The following WASL variants were observed in gnomAD, a reference collection of about 807,000 sequenced individuals.
The protein encoded by WASL is WASP like actin nucleation promoting factor.
A neutral mutation model predicts 55.5 loss-of-function variants in WASL; 20 were observed. The ratio of observed to expected loss-of-function variants is 0.36; its 90% CI spans 0.25 to 0.52. WASL has a LOEUF of 0.52. WASL is among the 20% of genes least tolerant of loss of function. The pLI is 0.92. For missense variants in WASL, 504 were observed against 622.5 expected (o/e 0.81, Z 2.03); for synonymous variants, 249 against 217.6 (o/e 1.14, Z -1.27).
chr7:123,697,670 G>A (rs1207369432), intron 5 of WASL, among the ~76,000 whole-genome samples: 1 of 152,176 alleles, frequency 6.6e-6, no homozygotes, highest in African/African-American at 2.4e-5. Flanking sequence ...TATCATCGTT[G>A]TGTAGAAAAG....
chr7:123,734,613 A>AT (rs1471258252), intron 1 of WASL, among the ~76,000 whole-genome samples: 19 of 151,248 alleles, frequency 1.3e-4, no homozygotes, highest in African/African-American at 4.1e-4. Context: ...AAAAAAAAAA[A>AT]ATCAGTGAGT....
intron 9 of WASL, among the ~76,000 whole-genome samples, chr7:123,691,297 C>T (rs1803403977): frequency 6.6e-6 from 1 of 152,112 alleles, no homozygotes; most frequent in Non-Finnish European, 1.5e-5. Flanking sequence ...TTATAAAAGG[C>T]TCCAAAAGAA....
intron 4 of WASL, 119 bp downstream of exon 4, chr7:123,706,158 A>AT: frequency 1.1e-6 from 1 of 944,676 alleles, no homozygotes; most frequent in Non-Finnish European, 1.6e-6. Context: ...ACAACATGTA[A>AT]ACCAATGAAT....
chr7:123,728,874 AAAAC>A (rs749051654), intron 1 of WASL, among the ~76,000 whole-genome samples: 2 of 152,158 alleles, frequency 1.3e-5, no homozygotes, highest in Non-Finnish European at 2.9e-5. Context: ...AAAACAAAAC[AAAAC>A]AAACGAACGA....
chr7:123,702,994 T>C (rs980727315), intron 5 of WASL, among the ~76,000 whole-genome samples: 2 of 152,208 alleles, frequency 1.3e-5, no homozygotes, highest in Non-Finnish European at 2.9e-5. Flanking sequence ...ATACTGTATA[T>C]ACTCTCCAAA....
intron 5 of WASL, among the ~76,000 whole-genome samples, chr7:123,703,400 T>C (rs1223590339): frequency 6.6e-6 from 1 of 152,200 alleles, no homozygotes; most frequent in Non-Finnish European, 1.5e-5. Flanking sequence ...TAAAAGATCA[T>C]TAACTAGTAG....
chr7:123,739,659 G>A (rs1394037653), intron 1 of WASL, among the ~76,000 whole-genome samples: 1 of 152,126 alleles, frequency 6.6e-6, no homozygotes, highest in African/African-American at 2.4e-5. Context: ...ATGTTTGGTG[G>A]GTTAGGTGTG....
At chr7:123,719,492 A>G (rs951895028) in intron 1 of WASL, among the ~76,000 whole-genome samples, 3 of 152,190 alleles carry the variant, frequency 2.0e-5, no homozygotes, top group African/African-American at 7.2e-5. Flanking sequence ...AAGCAAAAAG[A>G]GAAAGCAGTA....
intron 10 of WASL, among the ~76,000 whole-genome samples, chr7:123,686,592 T>C (rs552884479): frequency 6.6e-6 from 1 of 152,126 alleles, no homozygotes; most frequent in Admixed American, 6.5e-5. Context: ...AAAAAACTTA[T>C]TGTAGGGAAA....
chr7:123,693,193 A>G (rs959514410), intron 8 of WASL, among the ~76,000 whole-genome samples: 2 of 152,226 alleles, frequency 1.3e-5, no homozygotes, highest in African/African-American at 4.8e-5. Flanking sequence ...AAATATACCA[A>G]TGAAATTAAA....
At chr7:123,725,442 T>A (rs1344297295) in intron 1 of WASL, among the ~76,000 whole-genome samples, 6 of 152,156 alleles carry the variant, frequency 3.9e-5, no homozygotes, top group Non-Finnish European at 8.8e-5. Flanking sequence ...TTAAAACACA[T>A]GTAATTTTAC....
intron 1 of WASL, among the ~76,000 whole-genome samples, chr7:123,725,118 A>C (rs552260216): frequency 3.9e-5 from 6 of 152,352 alleles, no homozygotes; most frequent in South Asian, 2.1e-4. Context: ...AAAGTACAAC[A>C]AGGCTGTAAG....
At chr7:123,689,691 A>G (rs1803365493) in intron 9 of WASL, among the ~76,000 whole-genome samples, 1 of 152,124 alleles carries the variant, frequency 6.6e-6, no homozygotes, top group African/African-American at 2.4e-5. Context: ...TTTTAAGGAG[A>G]TGAGTTGATC....
At chr7:123,707,502 C>T (rs533026976) in intron 2 of WASL, among the ~76,000 whole-genome samples, 1 of 152,196 alleles carries the variant, frequency 6.6e-6, no homozygotes, top group Non-Finnish European at 1.5e-5. Context: ...TATGTTTAAT[C>T]TTAATACCAA....
chr7:123,716,292 T>C lies in WASL; in HGVS notation c.118-7069A>G, dbSNP rs566395747. On this transcript the variant is annotated intron_variant, in intron 1 of 10. Transcript: ENST00000223023. ...GTGCAATGGCACGATCTTGGCTAAC[T>C]GTAACCTCCGCCTCCCAGGTTCAAG... 2.6e-4 allele frequency among the ~76,000 whole-genome samples: 39 copies of C among 152,246 alleles called. No homozygotes were observed. In the South Asian group the frequency reaches 7.3e-3, roughly 28 times the overall value.
At chr7:123,734,843 A>C (rs1286260135) in intron 1 of WASL, among the ~76,000 whole-genome samples, 3 of 152,148 alleles carry the variant, frequency 2.0e-5, no homozygotes, top group Admixed American at 1.3e-4. Flanking sequence ...CAATTGTAAC[A>C]AATTTACCTA....
chr7:123,703,662 C>A (rs1803623865), intron 5 of WASL, among the ~76,000 whole-genome samples: 1 of 152,070 alleles, frequency 6.6e-6, no homozygotes, highest in Non-Finnish European at 1.5e-5. Context: ...GTTTCTGTAT[C>A]AGAAAAAGAA....
chr7:123,696,353 C>T (rs1803492059), intron 6 of WASL, among the ~76,000 whole-genome samples: 1 of 149,766 alleles, frequency 6.7e-6, no homozygotes, highest in African/African-American at 2.5e-5. Context: ...TTTCTTTTCT[C>T]ATAGTTGAAA....
In WASL at chr7:123,683,350, G is replaced by A. The variant is rs1803232009; in HGVS notation, c.*1169C>T. On this transcript the variant is annotated 3_prime_UTR_variant, in exon 11 of 11. Coordinates refer to ENST00000223023, the MANE Select transcript of WASL (RefSeq NM_003941.4). ...ACACCATTTAGTATGCATAACAAATGTGCAGGTTGTAAAGTTTTATCTTTA... is the reference window on the plus strand; with the variant it reads ...ACACCATTTAGTATGCATAACAAATATGCAGGTTGTAAAGTTTTATCTTTA... The A allele has an allele frequency of 6.6e-6, 1 of 151,690 alleles. No homozygotes were observed. Among genetic ancestry groups the A allele is most frequent in the Non-Finnish European group, 1.5e-5 (1 of 67,834 alleles). 9.4% of individuals were successfully genotyped at this position (151,690 alleles called of 1,614,324 possible).
Sources: allele counts gnomAD v4.1 joint callset (sites outside exome capture counted in the v4.1 genomes callset), GRCh38; gene constraint gnomAD v4.1.1; transcripts MANE v1.5; gene names NCBI Gene and HGNC (gene_info 2026-07-23, HGNC 2026-07-21).